EXOC6B: variants seen among roughly 807,000 people sequenced by gnomAD.
EXOC6B encodes the protein SEC15 homolog B.
A neutral mutation model predicts 113.5 loss-of-function variants in EXOC6B; 54 were observed. The observed-to-expected ratio is 0.48, with a 90% CI of 0.38 to 0.60. The LOEUF (loss-of-function observed/expected upper bound fraction) is 0.60, where lower values mean the gene tolerates loss of function less well. Among genes scored for constraint, EXOC6B ranks in the 20% least tolerant of loss-of-function variants. EXOC6B has a pLI of 0.00. For synonymous variants in EXOC6B, 357 were observed against 339.0 expected (o/e 1.05, Z -0.58); for missense variants, 797 against 977.5 (o/e 0.82, Z 2.46).
At chr2:72,454,501 T>TCAACAA (rs925449628) in intron 18 of EXOC6B, among the ~76,000 whole-genome samples, 45 of 151,568 alleles carry the variant, frequency 3.0e-4, no homozygotes, top group African/African-American at 1.1e-3. Flanking sequence ...TGAGACTATC[T>TCAACAA]CAACAACAAC....
intron 6 of EXOC6B, among the ~76,000 whole-genome samples, chr2:72,613,251 C>A (rs1671185020): frequency 6.6e-6 from 1 of 151,954 alleles, no homozygotes; most frequent in Admixed American, 6.6e-5. Context: ...CATAATCATC[C>A]TTTAAATGTT....
chr2:72,252,585 T>A (rs1683092891), intron 20 of EXOC6B, among the ~76,000 whole-genome samples: 1 of 152,252 alleles, frequency 6.6e-6, no homozygotes, highest in Non-Finnish European at 1.5e-5. Flanking sequence ...TGATACTGAA[T>A]GAGTCACTTC....
intron 6 of EXOC6B, among the ~76,000 whole-genome samples, chr2:72,684,681 TATC>T (rs760686622): frequency 2.0e-5 from 3 of 152,210 alleles, no homozygotes; most frequent in Non-Finnish European, 4.4e-5. Flanking sequence ...ATCTCAAAAT[TATC>T]ATGCTGAGTA....
At chr2:72,693,090 A>T (rs915453438) in intron 6 of EXOC6B, among the ~76,000 whole-genome samples, 15 of 152,214 alleles carry the variant, frequency 9.9e-5, no homozygotes, top group Admixed American at 9.2e-4. Context: ...AAAAGCTCAA[A>T]AATGGTAGGC....
chr2:72,662,047 AGAAAG>A (rs894298686), intron 6 of EXOC6B, among the ~76,000 whole-genome samples: 5 of 137,376 alleles, frequency 3.6e-5, no homozygotes, highest in Non-Finnish European at 6.3e-5. Context: ...GAAAGAAAGA[AGAAAG>A]GAAAGAAGGA....
At chr2:72,808,173 GA>G in intron 1 of EXOC6B, among the ~76,000 whole-genome samples, 1 of 152,062 alleles carries the variant, frequency 6.6e-6, no homozygotes, top group Admixed American at 6.6e-5. Flanking sequence ...AAGGAAAAAA[GA>G]ACACAATAAG....
At chr2:72,340,759 G>A (rs1688983785) in intron 19 of EXOC6B, among the ~76,000 whole-genome samples, 1 of 152,182 alleles carries the variant, frequency 6.6e-6, no homozygotes, top group African/African-American at 2.4e-5. Context: ...TGTTGTTGCT[G>A]TATTAACATA....
intron 6 of EXOC6B, among the ~76,000 whole-genome samples, chr2:72,640,200 C>A (rs1673128705): frequency 2.0e-5 from 3 of 152,054 alleles, no homozygotes; most frequent in Non-Finnish European, 2.9e-5. Context: ...CTGAAAAACA[C>A]ACTATAAGAA....
At chr2:72,408,051 A>G (rs570707050) in intron 18 of EXOC6B, among the ~76,000 whole-genome samples, 9 of 139,830 alleles carry the variant, frequency 6.4e-5, no homozygotes, top group African/African-American at 2.6e-4. Flanking sequence ...ACAAATCACA[A>G]CCATTCTTAT....
intron 20 of EXOC6B, among the ~76,000 whole-genome samples, chr2:72,264,540 C>A (rs1202458616): frequency 6.6e-6 from 1 of 152,106 alleles, no homozygotes; most frequent in Non-Finnish European, 1.5e-5. Flanking sequence ...CATTGCACTC[C>A]AGCCTAGGTG....
chr2:72,385,693 G>C (rs997234672), intron 18 of EXOC6B, among the ~76,000 whole-genome samples: 1 of 152,006 alleles, frequency 6.6e-6, no homozygotes, highest in African/African-American at 2.4e-5. Context: ...TTAAAAAATG[G>C]GCAAAGGATC....
intron 20 of EXOC6B, among the ~76,000 whole-genome samples, chr2:72,242,907 AT>A (rs556223811): frequency 6.6e-6 from 1 of 151,812 alleles, no homozygotes; most frequent in Admixed American, 6.6e-5. Context: ...TAATATTTAA[AT>A]TTTTTTTGTA....
chr2:72,265,225 C>T (rs1220595907), intron 20 of EXOC6B, among the ~76,000 whole-genome samples: 2 of 148,444 alleles, frequency 1.3e-5, no homozygotes, highest in African/African-American at 5.1e-5. Context: ...GCAAAGGTGA[C>T]TCTTAACTAT....
chr2:72,226,399 A>G (rs1449016278), intron 20 of EXOC6B, among the ~76,000 whole-genome samples: 1 of 152,230 alleles, frequency 6.6e-6, no homozygotes, highest in African/African-American at 2.4e-5. Flanking sequence ...TGTCTTTGCA[A>G]CTTTTCTGTA....
chr2:72,429,189 A>T (rs927544295), intron 18 of EXOC6B, among the ~76,000 whole-genome samples: 1 of 152,238 alleles, frequency 6.6e-6, no homozygotes, highest in Non-Finnish European at 1.5e-5. Flanking sequence ...ATGCCTAAAA[A>T]TATCCTGGAC....
rs186751515 is a variant in EXOC6B, at chr2:72,445,518, A to T, written c.1980+19642T>A. 2.0e-5 allele frequency among the ~76,000 whole-genome samples: 3 copies of T among 152,340 alleles called. No individual in the cohort carries two copies. The East Asian group carries it at 5.8e-4, about 29-fold the overall frequency. Reference sequence around the variant, plus strand: ...ACATACCCGAGACTAGAGAATTTACAAAAGAAAGAGATTTAATGGACATAC... The same window carrying T: ...ACATACCCGAGACTAGAGAATTTACTAAAGAAAGAGATTTAATGGACATAC... On this transcript the variant is annotated intron_variant, in intron 18 of 21. Transcript: ENST00000272427.
At chr2:72,526,904 A>G (rs1701769546) in intron 8 of EXOC6B, among the ~76,000 whole-genome samples, 1 of 151,962 alleles carries the variant, frequency 6.6e-6, no homozygotes, top group Non-Finnish European at 1.5e-5. Flanking sequence ...GACAGACCCC[A>G]TGTGCACTCT....
chr2:72,525,736 T>C (rs976833962), intron 8 of EXOC6B, among the ~76,000 whole-genome samples: 1 of 152,098 alleles, frequency 6.6e-6, no homozygotes, highest in Non-Finnish European at 1.5e-5. Context: ...TTTAAAAAAA[T>C]CATTAAGACT....
chr2:72,354,726 G>C (rs1689871991), intron 19 of EXOC6B, among the ~76,000 whole-genome samples: 1 of 152,158 alleles, frequency 6.6e-6, no homozygotes, highest in Non-Finnish European at 1.5e-5. Flanking sequence ...AAAAAGAAGT[G>C]ACATTGCCAT....
Sources: gnomAD v4.1 joint callset for allele counts (sites outside exome capture counted in the v4.1 genomes callset) on GRCh38, gnomAD v4.1.1 for gene constraint, MANE v1.5 for transcripts, NCBI Gene and HGNC (gene_info 2026-07-23, HGNC 2026-07-21) for gene names.